Variants in PJA2 observed in about 807,000 individuals in gnomAD.
The protein encoded by PJA2 is praja ring finger ubiquitin ligase 2.
A neutral mutation model predicts 69.3 loss-of-function variants in PJA2; 25 were observed. The ratio of observed to expected loss-of-function variants is 0.36; its 90% CI spans 0.26 to 0.50. The LOEUF (loss-of-function observed/expected upper bound fraction) is 0.50. Ranked by LOEUF, PJA2 falls within the 20% of genes least tolerant of loss-of-function variation. The pLI, the probability that PJA2 is intolerant of heterozygous loss-of-function variation, is 0.96. For synonymous variants in PJA2, 308 were observed against 277.8 expected (o/e 1.11, Z -1.08); for missense variants, 809 against 830.2 (o/e 0.97, Z 0.31).
chr5:109,350,230 TAAGCAACAC>T (rs1028765015), intron 7 of PJA2, among the ~76,000 whole-genome samples: 2 of 151,280 alleles, frequency 1.3e-5, no homozygotes, highest in African/African-American at 4.9e-5. Flanking sequence ...GGATCACTTA[TAAGCAACAC>T]AAGCAAAAGA....
intron 7 of PJA2, among the ~76,000 whole-genome samples, chr5:109,353,326 TATTAG>T (rs927562144): frequency 9.6e-4 from 137 of 142,180 alleles, no homozygotes; most frequent in African/African-American, 3.4e-3. Flanking sequence ...GATATCTATA[TATTAG>T]ATACCTATAA....
intron 1 of PJA2, among the ~76,000 whole-genome samples, chr5:109,403,320 AG>A (rs1254484485): frequency 6.6e-5 from 10 of 152,182 alleles, no homozygotes; most frequent in African/African-American, 1.9e-4. Flanking sequence ...AAAGCTTTCA[AG>A]AAGAAATAGA....
At chr5:109,354,253 A>G (rs1186766723) in intron 7 of PJA2, among the ~76,000 whole-genome samples, 1 of 149,160 alleles carries the variant, frequency 6.7e-6, no homozygotes, top group African/African-American at 2.4e-5. Flanking sequence ...TAGATTAGAT[A>G]TCTATGATGT....
intron 6 of PJA2, among the ~76,000 whole-genome samples, chr5:109,357,849 C>A (rs1762440345): frequency 6.6e-6 from 1 of 152,224 alleles, no homozygotes; most frequent in Non-Finnish European, 1.5e-5. Context: ...CAAAAAAACT[C>A]TTCAAACGAT....
At chr5:109,369,330 T>A (rs1325129602) in intron 4 of PJA2, among the ~76,000 whole-genome samples, 1 of 152,252 alleles carries the variant, frequency 6.6e-6, no homozygotes, top group Admixed American at 6.5e-5. Flanking sequence ...ATGCATGCAG[T>A]AGAGTGTGAC....
chr5:109,361,171 C>T (rs1762498124), intron 6 of PJA2, among the ~76,000 whole-genome samples: 1 of 152,158 alleles, frequency 6.6e-6, no homozygotes, highest in African/African-American at 2.4e-5. Context: ...TCCATTATTC[C>T]TTCAAATATT....
At chr5:109,367,964 T>C (rs1199533718) in intron 5 of PJA2, among the ~76,000 whole-genome samples, 4 of 152,222 alleles carry the variant, frequency 2.6e-5, no homozygotes, top group Non-Finnish European at 4.4e-5. Context: ...ATCTTGTCTA[T>C]GGCTACTTTT....
chr5:109,338,985 T>C (rs1414405439), intron 9 of PJA2, among the ~76,000 whole-genome samples: 1 of 152,060 alleles, frequency 6.6e-6, no homozygotes, highest in Non-Finnish European at 1.5e-5. Flanking sequence ...ACAGAAAAGG[T>C]GGAATTTAAA....
At chr5:109,347,481 T>C (rs1268826665) in intron 7 of PJA2, among the ~76,000 whole-genome samples, 1 of 152,228 alleles carries the variant, frequency 6.6e-6, no homozygotes, top group South Asian at 2.1e-4. Flanking sequence ...CACATGCTGC[T>C]TATCCAGTAA....
intron 7 of PJA2, among the ~76,000 whole-genome samples, chr5:109,349,689 A>T (rs1440377021): frequency 6.6e-6 from 1 of 152,188 alleles, no homozygotes; most frequent in African/African-American, 2.4e-5. Flanking sequence ...AGGTGACCTC[A>T]GCCCTGAGAT....
intron 1 of PJA2, among the ~76,000 whole-genome samples, chr5:109,389,679 T>C (rs1272587198): frequency 6.6e-6 from 1 of 152,156 alleles, no homozygotes; most frequent in Non-Finnish European, 1.5e-5. Context: ...TCCCTTGAGA[T>C]AGGAGCTTAG....
Position 109,357,603 on chromosome 5 carries a change from A to G in PJA2, c.1653-1577T>C, listed in dbSNP as rs111597437. The stretch of plus-strand genomic sequence containing the variant: ...TTCCTTCATCTATAAAACAAATTAA[A>G]TAAGTAGGTGTGCAAAGGTGCCTGG... On this transcript the variant is annotated intron_variant, in intron 6 of 9. Coordinates refer to ENST00000361189, the MANE Select transcript of PJA2 (RefSeq NM_014819.5). 2.8e-3 allele frequency among the ~76,000 whole-genome samples: 434 copies of G among 152,326 alleles called. 1 individual carries two copies. The highest frequency in any genetic ancestry group is 4.2e-3 in the Non-Finnish European group (289 of 68,030).
intron 1 of PJA2, among the ~76,000 whole-genome samples, chr5:109,395,371 A>G (rs1041160519): frequency 6.6e-6 from 1 of 152,146 alleles, no homozygotes; most frequent in African/African-American, 2.4e-5. Flanking sequence ...TCTATAAAAA[A>G]TATAAAAATT....
chr5:109,403,779 A>T (rs1265169837), intron 1 of PJA2, among the ~76,000 whole-genome samples: 2 of 151,926 alleles, frequency 1.3e-5, no homozygotes, highest in Non-Finnish European at 2.9e-5. Flanking sequence ...AAAAAAAAAA[A>T]AAAAACTCTC....
At chr5:109,368,513 C>T (rs1468832978) in intron 5 of PJA2, 48 bp downstream of exon 5, 7 of 1,482,632 alleles carry the variant, frequency 4.7e-6, no homozygotes, top group Non-Finnish European at 5.5e-6. Flanking sequence ...GTAAAATATA[C>T]CACTCTTGTA....
chr5:109,366,150 T>A (rs1263858142), intron 5 of PJA2, among the ~76,000 whole-genome samples: 1 of 152,154 alleles, frequency 6.6e-6, no homozygotes, highest in East Asian at 1.9e-4. Context: ...TCATTCTGAA[T>A]GCAAAATATA....
At chr5:109,399,757 G>A (rs1326788371) in intron 1 of PJA2, among the ~76,000 whole-genome samples, 1 of 152,114 alleles carries the variant, frequency 6.6e-6, no homozygotes, top group African/African-American at 2.4e-5. Flanking sequence ...TCTTTATCAA[G>A]AGACAACAAC....
intron 1 of PJA2, among the ~76,000 whole-genome samples, chr5:109,393,362 C>T (rs910514036): frequency 4.6e-5 from 7 of 152,148 alleles, no homozygotes; most frequent in African/African-American, 1.7e-4. Context: ...GGATGTTAGG[C>T]AATTTTCATA....
At chr5:109,354,094 C>T (rs1317496268) in intron 7 of PJA2, among the ~76,000 whole-genome samples, 2 of 91,136 alleles carry the variant, frequency 2.2e-5, no homozygotes, top group African/African-American at 4.7e-5. Flanking sequence ...ATATCTATAT[C>T]TAGAGATATC....
Sources: allele counts gnomAD v4.1 joint callset (sites outside exome capture counted in the v4.1 genomes callset), GRCh38; gene constraint gnomAD v4.1.1; transcripts MANE v1.5; gene names NCBI Gene and HGNC (gene_info 2026-07-23, HGNC 2026-07-21).